ATL1: variants seen among roughly 807,000 people sequenced by gnomAD.
The protein encoded by ATL1 is atlastin GTPase 1, also known as atlastin-1.
ATL1 carries 31 observed loss-of-function variants against 75.5 expected under a neutral mutation model. That is an observed-to-expected ratio of 0.41 (90% CI 0.31 to 0.55). ATL1 has a LOEUF of 0.55. Among genes scored for constraint, ATL1 ranks in the 20% least tolerant of loss-of-function variants. ATL1 has a pLI of 0.27. For missense variants in ATL1, 405 were observed against 662.6 expected, an observed-to-expected ratio of 0.61 and a Z score of 4.27; for synonymous variants, 226 against 233.3, an observed-to-expected ratio of 0.97 and a Z score of 0.28.
chr14:50,619,867 A>G (rs1338420950), intron 8 of ATL1, among the ~76,000 whole-genome samples: 1 of 152,180 alleles, frequency 6.6e-6, no homozygotes, highest in East Asian at 1.9e-4. Context: ...TTTTGGATAC[A>G]TTTTCTGGAG....
At chr14:50,555,830 G>A (rs946096414), upstream of ATL1, among the ~76,000 whole-genome samples, 3 of 152,114 alleles carry the variant, frequency 2.0e-5, no homozygotes, top group African/African-American at 7.2e-5. Context: ...GCCATTTTGT[G>A]TTACCGCCAA....
intron 11 of ATL1, among the ~76,000 whole-genome samples, chr14:50,625,503 C>A (rs1251608230): frequency 1.3e-5 from 2 of 152,190 alleles, no homozygotes; most frequent in African/African-American, 4.8e-5. Context: ...ACTTTCCCAG[C>A]TAGAGAGGAG....
At chr14:50,598,322 C>T (rs901551319) in intron 6 of ATL1, among the ~76,000 whole-genome samples, 18 of 151,886 alleles carry the variant, frequency 1.2e-4, no homozygotes, top group Admixed American at 3.9e-4. Flanking sequence ...AGAATTAAGT[C>T]TTGTTTTGAT....
At chr14:50,550,042 G>A (rs1239620406) in intron 1 of ATL1, among the ~76,000 whole-genome samples, 1 of 152,200 alleles carries the variant, frequency 6.6e-6, no homozygotes, top group African/African-American at 2.4e-5. Flanking sequence ...GGACCTTCAG[G>A]TTTTATGATG....
intron 13 of ATL1, 65 bp downstream of exon 13, chr14:50,630,074 C>A: frequency 8.2e-7 from 1 of 1,226,978 alleles, no homozygotes; most frequent in South Asian, 1.4e-5. Flanking sequence ...ATTTTATAAA[C>A]TGACTAAGCC....
At chr14:50,616,533 C>T (rs956068996) in intron 8 of ATL1, among the ~76,000 whole-genome samples, 2 of 151,588 alleles carry the variant, frequency 1.3e-5, no homozygotes, top group Non-Finnish European at 2.9e-5. Context: ...CACTATGCTG[C>T]CCAGGCTGGT....
At chr14:50,596,316 A>C (rs1193122624) in intron 6 of ATL1, among the ~76,000 whole-genome samples, 1 of 152,162 alleles carries the variant, frequency 6.6e-6, no homozygotes, top group Non-Finnish European at 1.5e-5. Flanking sequence ...TAAAAAAAAA[A>C]AATTCTAAAT....
chr14:50,625,352 A>G (rs1409095267), intron 11 of ATL1, among the ~76,000 whole-genome samples: 1 of 152,218 alleles, frequency 6.6e-6, no homozygotes, highest in African/African-American at 2.4e-5. Context: ...ATAAAGTGCA[A>G]GGTGAAGCAG....
upstream of ATL1, chr14:50,560,040 C>G: frequency 6.7e-6 from 4 of 596,294 alleles, no homozygotes; most frequent in Non-Finnish European, 1.2e-5. Context: ...GGGTGTGACG[C>G]TGGTATCTGT....
At chr14:50,560,004 G>T, upstream of ATL1, 1 of 546,142 alleles carries the variant, frequency 1.8e-6, no homozygotes, top group Non-Finnish European at 3.3e-6. Flanking sequence ...CTGTCTTCAC[G>T]GTCTGGGGGT....
chr14:50,604,696 C>T (rs1164550304), intron 6 of ATL1, among the ~76,000 whole-genome samples: 2 of 152,062 alleles, frequency 1.3e-5, no homozygotes, highest in African/African-American at 4.8e-5. Flanking sequence ...CTGGGCATGG[C>T]CCCTTCTTGA....
chr14:50,612,886 A>G (rs1414433715), intron 6 of ATL1, among the ~76,000 whole-genome samples: 1 of 152,080 alleles, frequency 6.6e-6, no homozygotes, highest in African/African-American at 2.4e-5. Flanking sequence ...AGCTGATCTT[A>G]TATCTTATGC....
chr14:50,564,639 T>G (rs1237929005), intron 1 of ATL1, among the ~76,000 whole-genome samples: 1 of 81,608 alleles, frequency 1.2e-5, no homozygotes, highest in Non-Finnish European at 2.1e-5. Flanking sequence ...CAGAGCAAGA[T>G]TCCGTCTCAA....
rs1392173378 is a variant in ATL1, at chr14:50,542,265, A to G, written c.-140+8898A>G. The stretch of plus-strand genomic sequence containing the variant: ...GTGGACACAGGGAGGGGAACATCAC[A>G]CACCGGGGGCCTGTGGTGTCGGGGG... On this transcript the variant is annotated intron_variant, in intron 1 of 13. Coordinates refer to the ATL1 transcript ENST00000441560. 5.8e-5 allele frequency among the ~76,000 whole-genome samples: 7 copies of G among 120,744 alleles called. No individual in the cohort carries two copies. The East Asian group carries it at 2.1e-3, about 35-fold the overall frequency. The allele number at this position is 120,744 out of a possible 152,430, so 79.2% of individuals were successfully genotyped here. A position where few individuals can be genotyped will look rare whatever the true frequency, so the allele number is the denominator to read the frequency against.
chr14:50,593,706 G>T, intron 4 of ATL1, 140 bp from the exon 5 acceptor site: 2 of 598,386 alleles, frequency 3.3e-6, no homozygotes, highest in Admixed American at 2.7e-5. Context: ...CTCTCTCAAG[G>T]TCTTACAAAT....
intron 11 of ATL1, among the ~76,000 whole-genome samples, chr14:50,625,592 T>G (rs2039510718): frequency 6.6e-6 from 1 of 152,154 alleles, no homozygotes; most frequent in Non-Finnish European, 1.5e-5. Flanking sequence ...AACCCAGTGT[T>G]CATTTACCAT....
In ATL1 at chr14:50,587,843, A is replaced by G; in HGVS notation, c.47A>G (p.Glu16Gly). The G allele has an allele frequency of 3.1e-6, 5 of 1,614,200 alleles. No individual in the cohort carries two copies. Among genetic ancestry groups the G allele is most frequent in the Non-Finnish European group, 4.2e-6 (5 of 1,180,044 alleles). The change falls in exon 2 of 14, where the codon GAA becomes GGA. Residue 16 changes from glutamate to glycine, a missense_variant. Physicochemically the swap from Glu to Gly is moderately conservative, Grantham distance 98. This residue lies in a region of ATL1 where 126 missense variants were observed against 172.0 expected (regional missense o/e 0.73). Transcript: ENST00000358385. ...CTCTGTTCAACAGGTGGATTTTCGG[A>G]AAAGACATATGAATGGAGCTCAGAA... is the stretch of plus-strand genomic sequence containing the variant. ...RDRNSWGGFS[E>G]KTYEWSSEEE...
At chr14:50,588,153 C>A in intron 2 of ATL1, 75 bp downstream of exon 2, 2 of 1,570,980 alleles carry the variant, frequency 1.3e-6, no homozygotes, top group South Asian at 2.2e-5. Context: ...TCATGGTGTT[C>A]AAAATTTTCA....
At chr14:50,593,809 A>G (rs753672649) in intron 4 of ATL1, 37 bp from the exon 5 acceptor site, 47 of 1,366,780 alleles carry the variant, frequency 3.4e-5, no homozygotes, top group Non-Finnish European at 4.6e-5. Flanking sequence ...GGATGATGCC[A>G]GTTATCTTAT....
Sources: allele counts gnomAD v4.1 joint callset (sites outside exome capture counted in the v4.1 genomes callset), GRCh38; gene constraint gnomAD v4.1.1; regional missense constraint gnomAD v4.1.1; transcripts MANE v1.5; gene names NCBI Gene and HGNC (gene_info 2026-07-23, HGNC 2026-07-21).